The following PDZD11 variants were observed in gnomAD, a reference collection of about 807,000 sequenced individuals.
PDZD11 encodes PDZ domain-containing protein 11.
In PDZD11, 2 loss-of-function variants were observed where a neutral mutation model predicts 13.7. The ratio of observed to expected loss-of-function variants is 0.15; its 90% CI spans 0.06 to 0.46. The LOEUF is 0.46. Ranked by LOEUF, PDZD11 falls within the 20% of genes least tolerant of loss-of-function variation. PDZD11 has a pLI of 0.98. For missense variants in PDZD11, 44 were observed against 111.7 expected (o/e 0.39, Z 2.73); for synonymous variants, 32 against 37.5 (o/e 0.85, Z 0.54).
chrX:70,288,343 C>G, intron 3 of PDZD11, 87 bp downstream of exon 3: 3 of 935,504 alleles, frequency 3.2e-6, no homozygotes, highest in Middle Eastern at 2.7e-4. Flanking sequence ...TTCCTCACAT[C>G]TGCACCTGCT....
Position 70,286,841 on chromosome X carries a change from T to G in PDZD11, c.*241A>C, listed in dbSNP as rs2085721158. The G allele has an allele frequency of 2.5e-6, 1 of 407,544 alleles. No homozygotes were observed. Among genetic ancestry groups the G allele is most frequent in the South Asian group, 4.8e-5 (1 of 20,820 alleles). 33.6% of individuals were successfully genotyped at this position (407,544 alleles called of 1,213,427 possible). On this transcript the variant is annotated 3_prime_UTR_variant, in exon 7 of 7. Transcript: ENST00000239666. The stretch of plus-strand genomic sequence containing the variant: ...ATAAATGTCAGTTGTCTTTCCTAAC[T>G]AGGTTCCTCACAGGCTAGGTTATGC...
intron 2 of PDZD11, among the ~76,000 whole-genome samples, 161 bp downstream of exon 2, chrX:70,289,094 A>G (rs762705797): frequency 8.9e-6 from 1 of 111,958 alleles, no homozygotes; most frequent in East Asian, 2.8e-4. Flanking sequence ...GAAGTTCCCA[A>G]TGGGTCCTGT....
In PDZD11 at chrX:70,287,049, G is replaced by A. The variant is rs1027705138; in HGVS notation, c.*33C>T. ...GAAGTCTAGTTAGCATGTCATGACA[G>A]AGTCCACATGAAGGGCTGTGGGCTG... On this transcript the variant is annotated 3_prime_UTR_variant, in exon 7 of 7. Transcript: ENST00000239666. 4 of 1,161,680 alleles carry A rather than the reference G, an allele frequency of 3.4e-6. No individual in the cohort carries two copies. Among genetic ancestry groups the A allele is most frequent in the Non-Finnish European group, 4.7e-6 (4 of 859,798 alleles).
rs989162708 is a variant in PDZD11, at chrX:70,288,053, T to G, written c.228+64A>C. On this transcript the variant is annotated intron_variant, in intron 4 of 6. Coordinates refer to ENST00000239666, the MANE Select transcript of PDZD11 (RefSeq NM_016484.5). ...CCTCTCAGCCCTTGGGACATTAGGGTTCTGCAATCTGTTAATTTAACAAAG... is the reference window on the plus strand; with the variant it reads ...CCTCTCAGCCCTTGGGACATTAGGGGTCTGCAATCTGTTAATTTAACAAAG... 8 of 963,468 alleles carry G rather than the reference T, an allele frequency of 8.3e-6. No homozygotes were observed. In the African/African-American group the frequency reaches 1.5e-4, roughly 18 times the overall value. The allele number at this position is 963,468 out of a possible 1,213,427, so 79.4% of individuals were successfully genotyped here. A position where few individuals can be genotyped will look rare whatever the true frequency, so the allele number is the denominator to read the frequency against.
At chrX:70,287,962 AAATG>A in intron 4 of PDZD11, 132 bp from the exon 5 acceptor site, 1 of 716,110 alleles carries the variant, frequency 1.4e-6, no homozygotes, top group Non-Finnish European at 2.2e-6. Flanking sequence ...ATGGCCTGCC[AAATG>A]AAAAGTTTTA....
chrX:70,289,104 T>C lies in PDZD11; in HGVS notation c.87+151A>G, dbSNP rs1157909360. The C allele has an allele frequency of 1.5e-5, 7 of 479,192 alleles. No homozygotes were observed. The Admixed American group carries it at 1.6e-4, about 11-fold the overall frequency. The allele number at this position is 479,192 out of a possible 1,213,427, so 39.5% of individuals were successfully genotyped here. A position where few individuals can be genotyped will look rare whatever the true frequency, so the allele number is the denominator to read the frequency against. On this transcript the variant is annotated intron_variant, in intron 2 of 6. Coordinates refer to ENST00000239666, the MANE Select transcript of PDZD11 (RefSeq NM_016484.5). ...ATAAAGAAGTTCCCAATGGGTCCTG[T>C]TGCTCAGAATCCAGCTTCTGGGTCC...
rs376362055 is a variant in PDZD11 at position 70,287,833 on chromosome X, G to A, written c.229-3C>T. 45 of 1,165,849 alleles carry A rather than the reference G, an allele frequency of 3.9e-5. No homozygotes were observed. The highest frequency in any genetic ancestry group is 5.1e-5 in the Non-Finnish European group (44 of 855,352). ...TGTGCATCAGAGTCAGGAATCACCT[G>A]TTGGTAAAGAGAGAATACATGTGAT... On this transcript the variant is annotated splice_region_variant and splice_polypyrimidine_tract_variant and intron_variant, in intron 4 of 6. Coordinates refer to ENST00000239666, the MANE Select transcript of PDZD11 (RefSeq NM_016484.5).
chrX:70,287,210 A>G lies in PDZD11; in HGVS notation c.388+66T>C. The G allele has an allele frequency of 3.5e-6, 4 of 1,152,199 alleles. No homozygotes were observed. In the South Asian group the frequency reaches 7.4e-5, roughly 21 times the overall value. The allele number at this position is 1,152,199 out of a possible 1,213,427, so 95.0% of individuals were successfully genotyped here. On this transcript the variant is annotated intron_variant, in intron 6 of 6. Transcript: ENST00000239666. ...TCCCCAACTTGTAGGGCCTCTAGTC[A>G]TCAGTATTTAAAGAGTTCTTACTTA...
chrX:70,287,225 G>GTTC (rs2085723839), intron 6 of PDZD11, 51 bp downstream of exon 6: 4 of 1,168,090 alleles, frequency 3.4e-6, no homozygotes, highest in Non-Finnish European at 4.7e-6. Flanking sequence ...TATTTAAAGA[G>GTTC]TTCTTACTTA....
At position 70,286,964 on chromosome X, in the gene PDZD11, T is replaced by C; in HGVS notation, c.*118A>G. On this transcript the variant is annotated 3_prime_UTR_variant, in exon 7 of 7. Transcript: ENST00000239666. ...TTTGGGTAATGCAGTTGGTTAGCTGTCTCCCCATCCTCCCAACTCACTATT... is the reference window on the plus strand; with the variant it reads ...TTTGGGTAATGCAGTTGGTTAGCTGCCTCCCCATCCTCCCAACTCACTATT... 1.6e-6 allele frequency: 1 copy of C among 617,732 alleles called. No homozygotes were observed. 50.9% of individuals were successfully genotyped at this position (617,732 alleles called of 1,213,427 possible). A position where few individuals can be genotyped will look rare whatever the true frequency, so the allele number is the denominator to read the frequency against.
At chrX:70,288,057 G>A in intron 4 of PDZD11, 60 bp downstream of exon 4, 1 of 996,528 alleles carries the variant, frequency 1.0e-6, no homozygotes, top group South Asian at 2.0e-5. Context: ...TTAGGGTTCT[G>A]CAATCTGTTA....
At chrX:70,289,695 A>C (rs923250010) in intron 1 of PDZD11, 165 bp downstream of exon 1, 3 of 207,437 alleles carry the variant, frequency 1.4e-5, no homozygotes, top group Non-Finnish European at 2.6e-5. Context: ...AACTATCCGC[A>C]GGGACTCGGG....
intron 2 of PDZD11, 108 bp from the exon 3 acceptor site, chrX:70,288,621 C>A: frequency 1.7e-6 from 1 of 599,917 alleles, no homozygotes. Flanking sequence ...AGGTCATAGA[C>A]TTAATTTAAG....
At chrX:70,288,693 C>T (rs1381595934) in intron 2 of PDZD11, among the ~76,000 whole-genome samples, 180 bp from the exon 3 acceptor site, 1 of 97,747 alleles carries the variant, frequency 1.0e-5, no homozygotes, top group Non-Finnish European at 2.0e-5. Flanking sequence ...CAGTAGCTCC[C>T]CATTTCTTCA....
intron 2 of PDZD11, among the ~76,000 whole-genome samples, 187 bp from the exon 3 acceptor site, chrX:70,288,700 T>C (rs1285228291): frequency 1.2e-5 from 1 of 85,712 alleles, no homozygotes; most frequent in Non-Finnish European, 2.3e-5. Context: ...TCCCCATTTC[T>C]TCACCTTTTT....
rs1296356044 is a variant in PDZD11, at chrX:70,287,346, A to G, written c.328-10T>C. The G allele has an allele frequency of 1.7e-6, 2 of 1,198,666 alleles. No homozygotes were observed. The highest frequency in any genetic ancestry group is 2.3e-6 in the Non-Finnish European group (2 of 884,140). On this transcript the variant is annotated splice_polypyrimidine_tract_variant and intron_variant, in intron 5 of 6. Transcript: ENST00000239666. Reference sequence around the variant, plus strand: ...TCAGGATCTCAACAGCCTGGAAGGAACACAGCAGCTTGTACAAATGAAGAG... The same window carrying G: ...TCAGGATCTCAACAGCCTGGAAGGAGCACAGCAGCTTGTACAAATGAAGAG...
chrX:70,289,472 C>A, intron 1 of PDZD11, 118 bp from the exon 2 acceptor site: 1 of 1,104,092 alleles, frequency 9.1e-7, no homozygotes, highest in Non-Finnish European at 1.2e-6. Context: ...CAGCCCATAT[C>A]TAGGTGTTAA....
intron 3 of PDZD11, 35 bp downstream of exon 3, chrX:70,288,395 T>C (rs372457543): frequency 6.6e-5 from 76 of 1,153,891 alleles, no homozygotes; most frequent in Non-Finnish European, 9.0e-5. Flanking sequence ...GTGGTATGGA[T>C]GAATCTAGCC....
intron 1 of PDZD11, 184 bp downstream of exon 1, chrX:70,289,676 G>A (rs2085746059): frequency 4.2e-6 from 1 of 240,578 alleles, no homozygotes; most frequent in Non-Finnish European, 7.4e-6. Context: ...CGAAGCCCAA[G>A]GGAGTGTTAA....
Sources: allele counts gnomAD v4.1 joint callset (sites outside exome capture counted in the v4.1 genomes callset), GRCh38; gene constraint gnomAD v4.1.1; transcripts MANE v1.5; gene names NCBI Gene and HGNC (gene_info 2026-07-23, HGNC 2026-07-21).